Variants in PCDHGA9 observed in about 807,000 individuals in gnomAD.
The protein encoded by PCDHGA9 is protocadherin gamma-A9.
Under a neutral mutation model 62.5 loss-of-function variants are expected in PCDHGA9, and 37 were observed. The observed-to-expected ratio is 0.59, with a 90% CI of 0.46 to 0.78. The LOEUF (loss-of-function observed/expected upper bound fraction) is 0.78, where lower values mean the gene tolerates loss of function less well. PCDHGA9 is among the 30% of genes least tolerant of loss of function. The pLI, the probability that PCDHGA9 is intolerant of heterozygous loss-of-function variation, is 0.00. For missense variants in PCDHGA9, 1,138 were observed against 1,166.2 expected (o/e 0.98, Z 0.35); for synonymous variants, 459 against 484.6 (o/e 0.95, Z 0.69).
Position 141,432,205 on chromosome 5 carries a change from A to G in PCDHGA9, c.2424+26829A>G, listed in dbSNP as rs764567227. 1 of 1,614,180 alleles carries G rather than the reference A, an allele frequency of 6.2e-7. No individual in the cohort carries two copies. Among genetic ancestry groups the G allele is most frequent in the South Asian group, 1.1e-5 (1 of 91,074 alleles). On this transcript the variant is annotated intron_variant, in intron 1 of 3. Transcript: ENST00000573521. This position sits in a 1 kb window ranked among gnomAD's most constrained non-coding sequence, Gnocchi z 6.0. The stretch of plus-strand genomic sequence containing the variant: ...TGACCGCCCACGACCCCGACTGTGA[A>G]GAGAACGCCCAGATCACTTATTCCC...
rs61612330 is a variant in PCDHGA9, at chr5:141,454,796, A to ATTTTTTTTTTTTTTTTTTTTTTT, written c.2425-40004_2425-39982dup. Among the ~76,000 whole-genome samples, 6 of 77,456 alleles carry ATTTTTTTTTTTTTTTTTTTTTTT rather than the reference A, an allele frequency of 7.7e-5. 1 individual carries two copies. The highest frequency in any genetic ancestry group is 8.0e-4 in the East Asian group (2 of 2,512). 50.8% of individuals were successfully genotyped at this position (77,456 alleles called of 152,430 possible). Reference sequence around the variant, plus strand: ...AAGGAAATAATCCTCCATGGTTCTAATTTTTTTTTTTTTTTTTTTTTTTTT... The same window carrying ATTTTTTTTTTTTTTTTTTTTTTT: ...AAGGAAATAATCCTCCATGGTTCTAATTTTTTTTTTTTTTTTTTTTTTTTTTTTTTTTTTTTTTTTTTTTTTTT... On this transcript the variant is annotated intron_variant, in intron 1 of 3. Transcript: ENST00000573521.
At chr5:141,458,662 C>T (rs948275548) in intron 1 of PCDHGA9, among the ~76,000 whole-genome samples, 3 of 152,064 alleles carry the variant, frequency 2.0e-5, no homozygotes, top group East Asian at 1.9e-4. Flanking sequence ...CTCCACCTCT[C>T]GGGTTCAAGC....
chr5:141,475,989 A>G, intron 1 of PCDHGA9: 1 of 1,130,622 alleles, frequency 8.8e-7, no homozygotes, highest in Non-Finnish European at 1.3e-6. Flanking sequence ...CCGGCGAGCA[A>G]ATCAACGGCA....
intron 1 of PCDHGA9, among the ~76,000 whole-genome samples, chr5:141,480,408 C>A (rs371569489): frequency 7.2e-6 from 1 of 138,932 alleles, no homozygotes; most frequent in African/African-American, 2.9e-5. Flanking sequence ...GAGTGAGACC[C>A]TGTCTCAAAA....
At chr5:141,414,564 C>G in intron 1 of PCDHGA9, 1 of 1,613,948 alleles carries the variant, frequency 6.2e-7, no homozygotes, top group East Asian at 2.2e-5. Context: ...CCTACTTTAC[C>G]TATATCCCAG....
Position 141,485,151 on chromosome 5 carries a change from T to C in PCDHGA9, c.2425-9656T>C, listed in dbSNP as rs1191585056. 1.0e-5 allele frequency: 16 copies of C among 1,584,876 alleles called. No homozygotes were observed. Among genetic ancestry groups the C allele is most frequent in the Non-Finnish European group, 1.3e-5 (15 of 1,156,528 alleles). On this transcript the variant is annotated intron_variant, in intron 1 of 3. Coordinates refer to ENST00000573521, the MANE Select transcript of PCDHGA9 (RefSeq NM_018921.3). This position sits in a 1 kb window ranked among gnomAD's most constrained non-coding sequence, Gnocchi z 5.7. ...GCTTCATCCGCGTCTCAGGAGCAAG[T>C]AGAGAATTAGCGGGCGGCAGCAATG...
chr5:141,431,799 T>A lies in PCDHGA9; in HGVS notation c.2424+26423T>A. 6.2e-7 allele frequency: 1 copy of A among 1,614,228 alleles called. No homozygotes were observed. The highest frequency in any genetic ancestry group is 8.5e-7 in the Non-Finnish European group (1 of 1,180,036). On this transcript the variant is annotated intron_variant, in intron 1 of 3. Transcript: ENST00000573521. This position sits in a 1 kb window ranked among gnomAD's most constrained non-coding sequence, Gnocchi z 4.8. ...GACGTGAACGACAATGCCCCAGAAG[T>A]GGTCCTCACCTCTCTCGCCAGCTCG...
chr5:141,444,364 T>C (rs1191889941), intron 1 of PCDHGA9, among the ~76,000 whole-genome samples: 2 of 151,718 alleles, frequency 1.3e-5, no homozygotes, highest in Admixed American at 1.3e-4. Context: ...AGAGACGGGG[T>C]TTCTCCATGT....
chr5:141,432,635 G>C lies in PCDHGA9; in HGVS notation c.2424+27259G>C, dbSNP rs754354737. On this transcript the variant is annotated intron_variant, in intron 1 of 3. Transcript: ENST00000573521. The surrounding 1 kb of genome is among the most constrained non-coding windows in gnomAD (Gnocchi z 6.0). ...CTCGGTGGGTCTGCACACGGGCGAG[G>C]TGCGCACGGCGCGAGCCCTGCTGGA... The C allele has an allele frequency of 5.6e-6, 9 of 1,612,886 alleles. No individual in the cohort carries two copies. Among genetic ancestry groups the C allele is most frequent in the Non-Finnish European group, 7.6e-6 (9 of 1,179,742 alleles).
At chr5:141,450,364 T>G (rs2098678485) in intron 1 of PCDHGA9, among the ~76,000 whole-genome samples, 1 of 152,188 alleles carries the variant, frequency 6.6e-6, no homozygotes, top group Admixed American at 6.5e-5. Flanking sequence ...TCCTCAGCCT[T>G]GTTTGTTTAT....
chr5:141,481,096 T>C (rs1162625304), intron 1 of PCDHGA9, among the ~76,000 whole-genome samples: 2 of 152,150 alleles, frequency 1.3e-5, no homozygotes, highest in East Asian at 1.9e-4. Flanking sequence ...AAAGCAGTAC[T>C]CTGGAACCTA....
At chr5:141,464,430 T>C (rs1213919443) in intron 1 of PCDHGA9, among the ~76,000 whole-genome samples, 1 of 151,680 alleles carries the variant, frequency 6.6e-6, no homozygotes, top group Non-Finnish European at 1.5e-5. Flanking sequence ...TATATAGATA[T>C]ATATGTTTGT....
At chr5:141,510,321 CA>C (rs1376271166) in intron 3 of PCDHGA9, among the ~76,000 whole-genome samples, 1 of 150,840 alleles carries the variant, frequency 6.6e-6, no homozygotes, top group Non-Finnish European at 1.5e-5. Context: ...CTTGGAAGAG[CA>C]CTCTTCACCC....
Position 141,476,278 on chromosome 5 carries a change from T to C in PCDHGA9, c.2425-18529T>C, listed in dbSNP as rs746655724. On this transcript the variant is annotated intron_variant, in intron 1 of 3. Transcript: ENST00000573521. The surrounding 1 kb of genome is among the most constrained non-coding windows in gnomAD (Gnocchi z 7.6). ...CTGTGGGCAACGTGGTCGCGAACCTTGGTTTGGATCTCGGTAGCCTCTCAG... is the reference window on the plus strand; with the variant it reads ...CTGTGGGCAACGTGGTCGCGAACCTCGGTTTGGATCTCGGTAGCCTCTCAG... The C allele has an allele frequency of 3.2e-5, 52 of 1,613,758 alleles. No homozygotes were observed. Among genetic ancestry groups the C allele is most frequent in the Non-Finnish European group, 4.2e-5 (49 of 1,179,958 alleles).
chr5:141,429,073 C>CTCGATT (rs1202357717), intron 1 of PCDHGA9: 1 of 152,116 alleles, frequency 6.6e-6, no homozygotes, highest in African/African-American at 2.4e-5. Context: ...CCAGGATGGT[C>CTCGATT]TCGATTTCCT....
In PCDHGA9 at chr5:141,489,071, CA is replaced by C; in HGVS notation, c.2425-5735del. 3.1e-6 allele frequency: 1 copy of C among 326,700 alleles called. No homozygotes were observed. Among genetic ancestry groups the C allele is most frequent in the East Asian group, 5.9e-5 (1 of 17,012 alleles). 20.2% of individuals were successfully genotyped at this position (326,700 alleles called of 1,614,324 possible). A position where few individuals can be genotyped will look rare whatever the true frequency, so the allele number is the denominator to read the frequency against. On this transcript the variant is annotated intron_variant, in intron 1 of 3. Transcript: ENST00000573521. This position sits in a 1 kb window ranked among gnomAD's most constrained non-coding sequence, Gnocchi z 4.5. Reference sequence around the variant, plus strand: ...AAATTCAGCTCCCCTCCCCCCTGCCCACCCCCGCCACTCGGTGACTAAGAAC... The same window carrying C: ...AAATTCAGCTCCCCTCCCCCCTGCCCCCCCCGCCACTCGGTGACTAAGAAC...
chr5:141,438,621 TATATATATATATATACACACAC>T (rs2098027070), intron 1 of PCDHGA9, among the ~76,000 whole-genome samples: 1 of 41,368 alleles, frequency 2.4e-5, no homozygotes, highest in Non-Finnish European at 4.0e-5. Flanking sequence ...TATATATATA[TATATATATATATATACACACAC>T]ACACACACAT....
chr5:141,413,441 T>A, intron 1 of PCDHGA9: 1 of 1,614,056 alleles, frequency 6.2e-7, no homozygotes, highest in South Asian at 1.1e-5. Context: ...GGCAGCTTGA[T>A]CACCGCGGGC....
At chr5:141,448,808 G>C (rs2098608218) in intron 1 of PCDHGA9, among the ~76,000 whole-genome samples, 2 of 152,080 alleles carry the variant, frequency 1.3e-5, no homozygotes, top group Admixed American at 1.3e-4. Flanking sequence ...AGCCAGGCGT[G>C]ATGGCGGGCG....
Sources: allele counts gnomAD v4.1 joint callset (sites outside exome capture counted in the v4.1 genomes callset), GRCh38; gene constraint gnomAD v4.1.1; non-coding constraint Gnocchi (gnomAD v3.1); transcripts MANE v1.5; gene names NCBI Gene and HGNC (gene_info 2026-07-23, HGNC 2026-07-21).